Variants in FCAR observed in about 807,000 individuals in gnomAD.
FCAR encodes immunoglobulin alpha Fc receptor.
FCAR carries 21 observed loss-of-function variants against 27.1 expected under a neutral mutation model. That is an observed-to-expected ratio of 0.77 (90% CI 0.55 to 1.11). The LOEUF (loss-of-function observed/expected upper bound fraction) is 1.11. FCAR is among the 50% of genes most tolerant of loss of function. The probability of loss-of-function intolerance (pLI) is 0.00; values close to 1 mark genes in which losing one functional copy is unlikely to be tolerated. For synonymous variants in FCAR, 134 were observed against 135.8 expected (o/e 0.99, Z 0.09); for missense variants, 404 against 358.4 (o/e 1.13, Z -1.03).
chr19:54,886,281 T>A (rs990389097), intron 3 of FCAR, among the ~76,000 whole-genome samples: 1 of 144,040 alleles, frequency 6.9e-6, no homozygotes, highest in Non-Finnish European at 1.5e-5. Flanking sequence ...TCACATTGCA[T>A]TCAGGTGTCA....
rs763326904 is a variant in FCAR, at chr19:54,886,451, G to A, written c.361+926G>A. 2.6e-5 allele frequency among the ~76,000 whole-genome samples: 4 copies of A among 151,384 alleles called. No homozygotes were observed. In the East Asian group the frequency reaches 8.0e-4, roughly 30 times the overall value. ...GCCTCCCGAGTAGCTGGGACTACAG[G>A]CGCCCGCCACCACGCCTGGCTAATT... On this transcript the variant is annotated intron_variant, in intron 3 of 4. Transcript: ENST00000355524.
chr19:54,879,151 A>G (rs937295647), intron 2 of FCAR, among the ~76,000 whole-genome samples: 1 of 152,100 alleles, frequency 6.6e-6, no homozygotes, highest in Non-Finnish European at 1.5e-5. Flanking sequence ...TGCCAGGGTT[A>G]CAGGCGTGAG....
chr19:54,877,565 G>A (rs773454977), intron 2 of FCAR, among the ~76,000 whole-genome samples: 1 of 152,158 alleles, frequency 6.6e-6, no homozygotes, highest in African/African-American at 2.4e-5. Context: ...CTGATCTTCT[G>A]AATGCTTTTT....
chr19:54,878,550 T>A (rs1028885810), intron 2 of FCAR, among the ~76,000 whole-genome samples: 1 of 137,786 alleles, frequency 7.3e-6, no homozygotes, highest in African/African-American at 2.5e-5. Context: ...CTTTTTTTAA[T>A]TTTTTTTTTC....
At chr19:54,884,237 A>G (rs1340465706) in intron 2 of FCAR, among the ~76,000 whole-genome samples, 1 of 152,206 alleles carries the variant, frequency 6.6e-6, no homozygotes, top group Non-Finnish European at 1.5e-5. Flanking sequence ...GCTCCCACGC[A>G]CCATGCCCGT....
At chr19:54,887,949 A>G (rs1475752944) in intron 3 of FCAR, 58 bp from the exon 4 acceptor site, 2 of 1,341,928 alleles carry the variant, frequency 1.5e-6, no homozygotes, top group East Asian at 4.7e-5. Context: ...AATAATAAGA[A>G]GAAGAAAAGA....
At chr19:54,885,966 G>A (rs143093211) in intron 3 of FCAR, among the ~76,000 whole-genome samples, 20 of 152,264 alleles carry the variant, frequency 1.3e-4, no homozygotes, top group African/African-American at 1.2e-4. Context: ...TGCAACAATC[G>A]CTGGGCGCGG....
chr19:54,875,660 C>T (rs1382091947), intron 2 of FCAR, among the ~76,000 whole-genome samples: 1 of 152,194 alleles, frequency 6.6e-6, no homozygotes, highest in Non-Finnish European at 1.5e-5. Context: ...GAGTCATCTG[C>T]CCAATATCCT....
rs2066845223 is a variant in FCAR at position 54,888,027 on chromosome 19, C to T, written c.382C>T (p.Leu128Phe). ...CTTAGGCTTGTATGGCAAACCCTTC[C>T]TCTCTGCAGATCGGGGTCTGGTGTT... ...VVTGLYGKPFLSADRGLVLMP... is the reference protein window; with the variant it reads ...VVTGLYGKPFFSADRGLVLMP... The change falls in exon 4 of 5, where the codon CTC becomes TTC. Residue 128 changes from leucine (L) to phenylalanine (F), a missense_variant. Physicochemically the swap from Leu to Phe is conservative, Grantham distance 22. Transcript: ENST00000355524. 1 of 1,613,614 alleles carries T rather than the reference C, an allele frequency of 6.2e-7. No homozygotes were observed. The highest frequency in any genetic ancestry group is 8.5e-7 in the Non-Finnish European group (1 of 1,179,604).
At chr19:54,879,751 T>C (rs2066305459) in intron 2 of FCAR, among the ~76,000 whole-genome samples, 1 of 151,392 alleles carries the variant, frequency 6.6e-6, no homozygotes, top group South Asian at 2.1e-4. Context: ...TGGCGTGATC[T>C]CGGCTCACTG....
In FCAR at chr19:54,889,929, C is replaced by T; in HGVS notation, c.*66C>T. On this transcript the variant is annotated 3_prime_UTR_variant, in exon 5 of 5. Coordinates refer to ENST00000355524, the MANE Select transcript of FCAR (RefSeq NM_002000.4). ...GTCCGACAAAGCTACTTGAAGGACACAAGAGAGAAAAGCTCACTAAGAAGC... is the reference window on the plus strand; with the variant it reads ...GTCCGACAAAGCTACTTGAAGGACATAAGAGAGAAAAGCTCACTAAGAAGC... 2 of 1,154,428 alleles carry T rather than the reference C, an allele frequency of 1.7e-6. No homozygotes were observed. The highest frequency in any genetic ancestry group is 2.6e-5 in the South Asian group (2 of 76,998). 71.5% of individuals were successfully genotyped at this position (1,154,428 alleles called of 1,614,324 possible).
intron 2 of FCAR, among the ~76,000 whole-genome samples, chr19:54,876,693 G>A (rs1307826792): frequency 6.6e-6 from 1 of 152,058 alleles, no homozygotes; most frequent in Non-Finnish European, 1.5e-5. Flanking sequence ...GCCAAGGCTT[G>A]TGGATCATGA....
intron 2 of FCAR, among the ~76,000 whole-genome samples, chr19:54,881,691 T>TGAAAG (rs1601918370): frequency 6.6e-6 from 1 of 151,660 alleles, no homozygotes; most frequent in South Asian, 2.1e-4. Flanking sequence ...GCTAATCTGG[T>TGAAAG]GAAACCCCGT....
chr19:54,886,860 A>C (rs1055771349), intron 3 of FCAR, among the ~76,000 whole-genome samples: 1 of 152,256 alleles, frequency 6.6e-6, no homozygotes, highest in Non-Finnish European at 1.5e-5. Context: ...GTTATGGGTC[A>C]TTGCAGGCAA....
At chr19:54,881,806 G>A (rs2066432240) in intron 2 of FCAR, among the ~76,000 whole-genome samples, 1 of 151,934 alleles carries the variant, frequency 6.6e-6, no homozygotes, top group Admixed American at 6.6e-5. Flanking sequence ...GTGTGAACCC[G>A]GGAGGCGCAG....
At chr19:54,878,288 G>A (rs1233480249) in intron 2 of FCAR, among the ~76,000 whole-genome samples, 2 of 152,174 alleles carry the variant, frequency 1.3e-5, no homozygotes, top group Non-Finnish European at 2.9e-5. Flanking sequence ...TGAAAACAAT[G>A]TAGATTCTGT....
intron 2 of FCAR, among the ~76,000 whole-genome samples, chr19:54,876,097 G>C (rs2066075573): frequency 6.6e-6 from 1 of 152,148 alleles, no homozygotes; most frequent in East Asian, 1.9e-4. Flanking sequence ...TGCAGTAATT[G>C]TGAATGGATT....
At chr19:54,884,258 G>A (rs2066578371) in intron 2 of FCAR, among the ~76,000 whole-genome samples, 1 of 152,226 alleles carries the variant, frequency 6.6e-6, no homozygotes, top group African/African-American at 2.4e-5. Context: ...GGCCTCTGCG[G>A]GGGCTGTGGT....
chr19:54,874,352 G>C (rs1373551896), intron 1 of FCAR, 29 bp downstream of exon 1: 1 of 1,611,924 alleles, frequency 6.2e-7, no homozygotes, highest in South Asian at 1.1e-5. Flanking sequence ...GTGGGTTAGA[G>C]GGGAAGATAG....
Sources: gnomAD v4.1 joint callset for allele counts (sites outside exome capture counted in the v4.1 genomes callset) on GRCh38, gnomAD v4.1.1 for gene constraint, MANE v1.5 for transcripts, NCBI Gene and HGNC (gene_info 2026-07-23, HGNC 2026-07-21) for gene names.